Variants in NISCH observed in about 807,000 individuals in gnomAD.
The protein encoded by NISCH is I-1 receptor candidate protein.
In NISCH, 55 loss-of-function variants were observed where a neutral mutation model predicts 138.4. The observed-to-expected ratio is 0.40, with a 90% CI of 0.32 to 0.50. The LOEUF is 0.50. Ranked by LOEUF, NISCH falls within the 20% of genes least tolerant of loss-of-function variation. The probability of loss-of-function intolerance (pLI) is 0.71; values close to 1 mark genes in which losing one functional copy is unlikely to be tolerated. For missense variants in NISCH, 1,643 were observed against 2,005.5 expected, an observed-to-expected ratio of 0.82 and a Z score of 3.45; for synonymous variants, 860 against 861.5, an observed-to-expected ratio of 1.00 and a Z score of 0.03.
chr3:52,481,303 T>C (rs767943342), intron 13 of NISCH: 1 of 1,022,818 alleles, frequency 9.8e-7, no homozygotes, highest in Non-Finnish European at 1.2e-6. Flanking sequence ...GGGAGAAGCA[T>C]TCAAGTTAAG....
chr3:52,458,886 C>A, intron 3 of NISCH, 42 bp downstream of exon 3: 1 of 1,535,902 alleles, frequency 6.5e-7, no homozygotes, highest in South Asian at 1.2e-5. Context: ...TGCAAACCCA[C>A]AACTGCCAAA....
At chr3:52,459,743 A>C (rs1340309884) in intron 3 of NISCH, among the ~76,000 whole-genome samples, 4 of 152,002 alleles carry the variant, frequency 2.6e-5, no homozygotes, top group Non-Finnish European at 5.9e-5. Context: ...CAAAACCACA[A>C]TATTAAATAG....
chr3:52,459,045 T>C (rs1706557194), intron 3 of NISCH, among the ~76,000 whole-genome samples: 1 of 152,214 alleles, frequency 6.6e-6, no homozygotes, highest in Admixed American at 6.5e-5. Flanking sequence ...TTAGACTAAA[T>C]GTGGCCACAG....
chr3:52,473,820 C>G lies in NISCH; in HGVS notation c.756C>G (p.Thr252=), dbSNP rs1161838332. The G allele has an allele frequency of 1.2e-6, 2 of 1,606,500 alleles. No homozygotes were observed. Among genetic ancestry groups the G allele is most frequent in the Non-Finnish European group, 1.7e-6 (2 of 1,174,422 alleles). ...LATLSVRFSA[T]SMKEVLVPEA... ...CGCTGAGTGTCCGCTTCTCAGCAAC[C>G]TCGATGAAGGTAAGCTTCACCTATA... The change falls in exon 7 of 21, where the codon ACC becomes ACG. Residue 252 remains threonine, a synonymous_variant. Transcript: ENST00000345716.
chr3:52,469,058 A>G (rs1290834098), intron 3 of NISCH, among the ~76,000 whole-genome samples: 1 of 152,214 alleles, frequency 6.6e-6, no homozygotes, highest in Non-Finnish European at 1.5e-5. Context: ...AAGATAAGAA[A>G]GAGACAAACA....
chr3:52,480,948 G>A (rs1381604728), intron 13 of NISCH: 1 of 1,524,666 alleles, frequency 6.6e-7, no homozygotes, highest in East Asian at 2.5e-5. Context: ...CCACGGAAGA[G>A]GGGAGGGTGT....
At chr3:52,457,952 T>C in intron 2 of NISCH, 26 bp downstream of exon 2, 2 of 1,568,840 alleles carry the variant, frequency 1.3e-6, no homozygotes, top group Non-Finnish European at 1.8e-6. Context: ...TGGGAGCACG[T>C]ATCTCAGGGC....
At position 52,458,705 on chromosome 3, in the gene NISCH, A is replaced by G; in HGVS notation, c.221A>G (p.Lys74Arg). 6.2e-7 allele frequency: 1 copy of G among 1,613,776 alleles called. No individual in the cohort carries two copies. Among genetic ancestry groups the G allele is most frequent in the Non-Finnish European group, 8.5e-7 (1 of 1,179,938 alleles). ...ATTGATAAAAATCTGCTTCCGCCCA[A>G]AAAGATAATTGGGAAAAACTCAAGA... ...RKIDKNLLPP[K>R]KIIGKNSRSL... Residue 74 changes from lysine to arginine, a missense_variant, in exon 3 of 21, where the codon AAA (lysine) becomes AGA (arginine). By Grantham distance (26) the Lys-to-Arg change is conservative. Transcript: ENST00000345716.
rs1707608064 is a variant in NISCH at position 52,492,795 on chromosome 3, C to T, written c.*313C>T. The T allele has an allele frequency of 1.0e-5, 4 of 393,354 alleles. No homozygotes were observed. The highest frequency in any genetic ancestry group is 6.0e-5 in the African/African-American group (3 of 49,728). 24.4% of individuals were successfully genotyped at this position (393,354 alleles called of 1,614,324 possible). ...TGTGGGTCTGACTTTCTCTTCTACA[C>T]GTCCTTTCCTGAAGTGTCGAGTCCA... On this transcript the variant is annotated 3_prime_UTR_variant, in exon 21 of 21. Transcript: ENST00000345716.
chr3:52,478,174 G>A lies in NISCH; in HGVS notation c.1065G>A (p.Gly355=). The A allele has an allele frequency of 1.2e-6, 2 of 1,614,138 alleles. 1 individual carries two copies. The highest frequency in any genetic ancestry group is 2.2e-5 in the South Asian group (2 of 91,082). The change falls in exon 10 of 21, where the codon GGG becomes GGA. Residue 355 remains glycine (G), a synonymous_variant. Coordinates refer to ENST00000345716, the MANE Select transcript of NISCH (RefSeq NM_007184.4). ...TGGAAGGGCTTCACACCAAGCTGGG[G>A]AACATCAAGACCTTAAACCTGGCAG... ...SSLEGLHTKL[G]NIKTLNLAGN...
Position 52,472,443 on chromosome 3 carries a change from G to A in NISCH, c.669+45G>A. 2.0e-6 allele frequency: 3 copies of A among 1,509,670 alleles called. No individual in the cohort carries two copies. The South Asian group carries it at 3.4e-5, about 17-fold the overall frequency. 93.5% of individuals were successfully genotyped at this position (1,509,670 alleles called of 1,614,324 possible). On this transcript the variant is annotated intron_variant, in intron 6 of 20. Transcript: ENST00000345716. ...AGCATCCTCTCGCTCCCAACTCAGA[G>A]GCTAGAGAGTGTTTGTGATGTTGGG...
intron 3 of NISCH, among the ~76,000 whole-genome samples, chr3:52,460,111 G>A (rs927151737): frequency 7.2e-6 from 1 of 138,340 alleles, no homozygotes; most frequent in Non-Finnish European, 1.5e-5. Context: ...AACCCAAGAA[G>A]CAGAGGTTGC....
At chr3:52,456,151 A>G (rs577318497) in intron 1 of NISCH, among the ~76,000 whole-genome samples, 15 of 152,044 alleles carry the variant, frequency 9.9e-5, no homozygotes, top group Non-Finnish European at 2.1e-4. Context: ...GAATCAGGGA[A>G]AAGGGTCAGG....
chr3:52,488,180 G>A lies in NISCH; in HGVS notation c.2688G>A (p.Ala896=), dbSNP rs113789685. The stretch of plus-strand genomic sequence containing the variant: ...CAGCCGTGCGGCGCTCCTGCTGCGC[G>A]CCCTCTGAGGCCGTCAAGTCCGCCG... ...LCSAVRRSCC[A]PSEAVKSAAI... Residue 896 remains alanine, a synonymous_variant, in exon 16 of 21, where the codon GCG becomes GCA. Transcript: ENST00000345716. 1.9e-5 allele frequency: 31 copies of A among 1,613,210 alleles called. No individual in the cohort carries two copies. Among genetic ancestry groups the A allele is most frequent in the Middle Eastern group, 3.3e-4 (2 of 6,062 alleles).
At chr3:52,482,014 A>C in intron 13 of NISCH, 2 of 710,896 alleles carry the variant, frequency 2.8e-6, no homozygotes, top group Non-Finnish European at 3.5e-6. Context: ...CTTTCTGACC[A>C]CTTGTTTGTA....
rs2153231828 is a variant in NISCH at position 52,489,330 on chromosome 3, A to T, written c.3114-6A>T. 4 of 1,608,628 alleles carry T rather than the reference A, an allele frequency of 2.5e-6. No individual in the cohort carries two copies. Among genetic ancestry groups the T allele is most frequent in the South Asian group, 1.1e-5 (1 of 90,738 alleles). ...CTGTTAATATGGTGTTTTTCGGGGG[A>T]TACAGCAATGACCAGCGTCCCCAGG... is the stretch of plus-strand genomic sequence containing the variant. On this transcript the variant is annotated splice_region_variant and splice_polypyrimidine_tract_variant and intron_variant, in intron 16 of 20. Transcript: ENST00000345716.
intron 3 of NISCH, among the ~76,000 whole-genome samples, chr3:52,465,095 A>G (rs1164879646): frequency 1.3e-5 from 2 of 152,222 alleles, no homozygotes; most frequent in African/African-American, 4.8e-5. Flanking sequence ...GCCCAATCCA[A>G]GGTCACAAAG....
At chr3:52,467,301 G>A (rs568368803) in intron 3 of NISCH, among the ~76,000 whole-genome samples, 1 of 152,048 alleles carries the variant, frequency 6.6e-6, no homozygotes, top group African/African-American at 2.4e-5. Flanking sequence ...GCCCAGCCGA[G>A]AATGTCCTTC....
intron 3 of NISCH, among the ~76,000 whole-genome samples, chr3:52,463,714 C>CTTTTTTTTTTTTTTTT (rs71084184): frequency 2.4e-5 from 1 of 41,402 alleles, no homozygotes. Flanking sequence ...TATTGAACCT[C>CTTTTTTTTTTTTTTTT]TTTTTTTTTT....
Sources: allele counts gnomAD v4.1 joint callset (sites outside exome capture counted in the v4.1 genomes callset), GRCh38; gene constraint gnomAD v4.1.1; transcripts MANE v1.5; gene names NCBI Gene and HGNC (gene_info 2026-07-23, HGNC 2026-07-21).